The following F9 variants were observed in gnomAD, a reference collection of about 807,000 sequenced individuals.
F9 encodes Christmas factor.
F9 carries 2 observed loss-of-function variants against 34.1 expected under a neutral mutation model. That is an observed-to-expected ratio of 0.06 (90% confidence interval 0.02 to 0.18). The LOEUF (loss-of-function observed/expected upper bound fraction) is 0.18, where lower values mean the gene tolerates loss of function less well. Among genes scored for constraint, F9 ranks in the 10% least tolerant of loss-of-function variants. The probability of loss-of-function intolerance (pLI) is 1.00; values close to 1 mark genes in which losing one functional copy is unlikely to be tolerated. For synonymous variants in F9, 137 were observed against 118.8 expected (o/e 1.15, Z -1.00); for missense variants, 216 against 345.1 (o/e 0.63, Z 2.96).
chrX:139,536,996 C>A lies in F9; in HGVS notation c.89-14C>A. 8.4e-7 allele frequency: 1 copy of A among 1,196,479 alleles called. No individual in the cohort carries two copies. The highest frequency in any genetic ancestry group is 1.1e-6 in the Non-Finnish European group (1 of 884,312). On this transcript the variant is annotated splice_polypyrimidine_tract_variant and intron_variant, in intron 1 of 7. Coordinates refer to ENST00000218099, the MANE Select transcript of F9 (RefSeq NM_000133.4). ...TTTTTGCTAAAACTAAAGAATTATT[C>A]TTTTACATTTCAGTTTTTCTTGATC...
rs894912119 is a variant in F9 at position 139,563,339 on chromosome X, G to C, written c.*1268G>C. The C allele has an allele frequency of 9.0e-6, 1 of 111,605 alleles. No homozygotes were observed. The highest frequency in any genetic ancestry group is 1.9e-5 in the Non-Finnish European group (1 of 53,144). 9.2% of individuals were successfully genotyped at this position (111,605 alleles called of 1,213,427 possible). A position where few individuals can be genotyped will look rare whatever the true frequency, so the allele number is the denominator to read the frequency against. ...AACTAAGTTGTCCTTTTCTGGTTTC[G>C]TGTTCACCATGGAACATTTTGATTA... On this transcript the variant is annotated 3_prime_UTR_variant, in exon 8 of 8. Coordinates refer to ENST00000218099, the MANE Select transcript of F9 (RefSeq NM_000133.4).
intron 1 of F9, among the ~76,000 whole-genome samples, chrX:139,533,661 G>GACA (rs1927393760): frequency 8.9e-6 from 1 of 111,943 alleles, no homozygotes; most frequent in African/African-American, 3.2e-5. Context: ...TACAGTGCCT[G>GACA]GCAGTAGTGG....
At chrX:139,554,572 T>C (rs755755900) in intron 6 of F9, among the ~76,000 whole-genome samples, 2 of 112,192 alleles carry the variant, frequency 1.8e-5, no homozygotes, top group South Asian at 3.8e-4. Context: ...GAATCTCTCC[T>C]CATTTGTGGA....
At chrX:139,544,312 T>C (rs1927666742) in intron 4 of F9, among the ~76,000 whole-genome samples, 1 of 111,159 alleles carries the variant, frequency 9.0e-6, no homozygotes, top group African/African-American at 3.3e-5. Context: ...CAGAAAAAGA[T>C]CCAGGGATAT....
intron 6 of F9, among the ~76,000 whole-genome samples, chrX:139,559,941 G>C (rs997488265): frequency 2.7e-5 from 3 of 112,423 alleles, no homozygotes; most frequent in African/African-American, 9.7e-5. Flanking sequence ...TAGACATTGA[G>C]ATGGAGAAAA....
chrX:139,545,126 A>C (rs1370433179), intron 4 of F9: 1 of 112,106 alleles, frequency 8.9e-6, no homozygotes, highest in Non-Finnish European at 1.9e-5. Context: ...GAAGCTGAGA[A>C]GAATGAAGGT....
intron 3 of F9, among the ~76,000 whole-genome samples, chrX:139,538,702 G>A (rs1321094): frequency 0.086 from 9,536 of 110,690 alleles, 1,037 homozygotes; most frequent in African/African-American, 0.3. Context: ...CTCCATTCCC[G>A]CAGAATTTAG....
At chrX:139,556,517 C>A (rs970375754) in intron 6 of F9, among the ~76,000 whole-genome samples, 8 of 111,629 alleles carry the variant, frequency 7.2e-5, no homozygotes, top group Admixed American at 3.8e-4. Flanking sequence ...ATGTATGAAC[C>A]AGAACTTGTT....
At chrX:139,545,267 C>T (rs1241579598) in intron 4 of F9, 2 of 112,027 alleles carry the variant, frequency 1.8e-5, no homozygotes, top group Non-Finnish European at 3.8e-5. Context: ...AGGTGTCTTA[C>T]ATTGTTTATG....
At chrX:139,550,059 G>A (rs900437986) in intron 5 of F9, among the ~76,000 whole-genome samples, 2 of 111,096 alleles carry the variant, frequency 1.8e-5, no homozygotes, top group Non-Finnish European at 3.8e-5. Flanking sequence ...ACCCTTACAA[G>A]TTCTTCTATG....
At chrX:139,551,345 T>A in intron 6 of F9, 81 bp downstream of exon 6, 1 of 844,185 alleles carries the variant, frequency 1.2e-6, no homozygotes, top group Non-Finnish European at 1.8e-6. Context: ...GCTATTTTAC[T>A]AGACAGACCT....
chrX:139,554,318 A>G (rs1927918375), intron 6 of F9, among the ~76,000 whole-genome samples: 2 of 111,948 alleles, frequency 1.8e-5, no homozygotes, highest in African/African-American at 6.5e-5. Context: ...TCCCTATTTC[A>G]TCCACATGAA....
rs780142245 is a variant in F9, at chrX:139,537,188, A to G, written c.252+15A>G. 9.1e-6 allele frequency: 11 copies of G among 1,204,408 alleles called. No homozygotes were observed. Among genetic ancestry groups the G allele is most frequent in the Admixed American group, 2.2e-5 (1 of 45,734 alleles). ...CTGAAAGAACAGTGAGTATTTCCAC[A>G]TAATACCCTTCAGATGCAGAGCATA... On this transcript the variant is annotated intron_variant, in intron 2 of 7. Coordinates refer to ENST00000218099, the MANE Select transcript of F9 (RefSeq NM_000133.4).
In F9 at chrX:139,562,388, T is replaced by G; in HGVS notation, c.*317T>G. On this transcript the variant is annotated 3_prime_UTR_variant, in exon 8 of 8. Coordinates refer to ENST00000218099, the MANE Select transcript of F9 (RefSeq NM_000133.4). ...ACTATGGCAACTAACTCACTCAATT[T>G]TCCCTCCTTAGCAGCATTCCATCTT... is the stretch of plus-strand genomic sequence containing the variant. The G allele has an allele frequency of 3.6e-6, 1 of 275,592 alleles. No individual in the cohort carries two copies. The highest frequency in any genetic ancestry group is 5.6e-5 in the Admixed American group (1 of 17,971). 22.7% of individuals were successfully genotyped at this position (275,592 alleles called of 1,213,427 possible). A position where few individuals can be genotyped will look rare whatever the true frequency, so the allele number is the denominator to read the frequency against.
intron 6 of F9, among the ~76,000 whole-genome samples, chrX:139,557,126 G>A (rs2148365524): frequency 9.0e-6 from 1 of 111,717 alleles, no homozygotes; most frequent in Admixed American, 9.5e-5. Flanking sequence ...AGGGAAAACA[G>A]GCTCCCATTA....
chrX:139,556,538 G>T (rs749973415), intron 6 of F9, among the ~76,000 whole-genome samples: 3 of 111,467 alleles, frequency 2.7e-5, no homozygotes, highest in Non-Finnish European at 5.7e-5. Flanking sequence ...TTTCCTTAGG[G>T]GCCAGGATGT....
At chrX:139,532,513 G>A (rs765758427) in intron 1 of F9, among the ~76,000 whole-genome samples, 11 of 111,404 alleles carry the variant, frequency 9.9e-5, no homozygotes, top group East Asian at 2.8e-4. Context: ...TTACAACTAT[G>A]GTGCCAGGTA....
At chrX:139,554,614 G>T (rs1844184407) in intron 6 of F9, among the ~76,000 whole-genome samples, 1 of 112,578 alleles carries the variant, frequency 8.9e-6, no homozygotes, top group South Asian at 3.7e-4. Context: ...TGGTTAATCT[G>T]CAGGGAGGAA....
At chrX:139,545,971 CATAG>C (rs1331993723) in intron 4 of F9, among the ~76,000 whole-genome samples, 3 of 110,672 alleles carry the variant, frequency 2.7e-5, no homozygotes, top group African/African-American at 6.6e-5. Context: ...AGGTTTGTTA[CATAG>C]ATAAACATGT....
Sources: gnomAD v4.1 joint callset for allele counts (sites outside exome capture counted in the v4.1 genomes callset) on GRCh38, gnomAD v4.1.1 for gene constraint, MANE v1.5 for transcripts, NCBI Gene and HGNC (gene_info 2026-07-23, HGNC 2026-07-21) for gene names.